DGKI: variants seen among roughly 807,000 people sequenced by gnomAD.
DGKI encodes the protein DAG kinase iota.
DGKI carries 55 observed loss-of-function variants against 147.5 expected under a neutral mutation model. That is an observed-to-expected ratio of 0.37 (90% CI 0.30 to 0.47). The LOEUF (loss-of-function observed/expected upper bound fraction) is 0.47, where lower values mean the gene tolerates loss of function less well. DGKI is among the 20% of genes least tolerant of loss of function. The probability of loss-of-function intolerance (pLI) is 1.00; values close to 1 mark genes in which losing one functional copy is unlikely to be tolerated. For missense variants in DGKI, 1,007 were observed against 1,323.8 expected (o/e 0.76, Z 3.71); for synonymous variants, 469 against 477.1 (o/e 0.98, Z 0.22).
chr7:137,700,922 T>A (rs1029204258), intron 1 of DGKI, among the ~76,000 whole-genome samples: 21 of 135,690 alleles, frequency 1.5e-4, no homozygotes, highest in African/African-American at 4.8e-4. Context: ...AATAAATAAA[T>A]AAAATAAAGT....
At chr7:137,816,252 A>G (rs1472787933) in intron 1 of DGKI, among the ~76,000 whole-genome samples, 2 of 152,236 alleles carry the variant, frequency 1.3e-5, no homozygotes, top group Non-Finnish European at 2.9e-5. Context: ...ATAAACACAC[A>G]AGATCACCTT....
chr7:137,819,291 A>T (rs1049257214), intron 1 of DGKI, among the ~76,000 whole-genome samples: 2 of 151,130 alleles, frequency 1.3e-5, no homozygotes, highest in African/African-American at 4.9e-5. Flanking sequence ...CAGAAAATCC[A>T]AGAACTTCAG....
intron 26 of DGKI, among the ~76,000 whole-genome samples, 160 bp downstream of exon 26, chr7:137,465,748 T>C (rs1473195398): frequency 6.6e-6 from 1 of 152,124 alleles, no homozygotes. Flanking sequence ...TCACGGCCAT[T>C]CATAAGACAG....
chr7:137,444,147 A>G (rs1227584935), intron 27 of DGKI, 45 bp from the exon 28 acceptor site: 1 of 1,124,838 alleles, frequency 8.9e-7, no homozygotes, highest in East Asian at 2.7e-5. Context: ...TATGATAATT[A>G]TAATGATAAT....
intron 27 of DGKI, 49 bp downstream of exon 27, chr7:137,463,440 C>G: frequency 6.2e-7 from 1 of 1,604,334 alleles, no homozygotes; most frequent in Non-Finnish European, 8.5e-7. Flanking sequence ...ACATCCTCTC[C>G]CAGCAATCAC....
In DGKI at chr7:137,459,219, G is replaced by T. The variant is rs112583818; in HGVS notation, c.2735+4270C>A. Among the ~76,000 whole-genome samples the T allele has an allele frequency of 6.3e-4, 96 of 152,136 alleles. 1 individual carries two copies. Among genetic ancestry groups the T allele is most frequent in the African/African-American group, 1.5e-3 (63 of 41,508 alleles). On this transcript the variant is annotated intron_variant, in intron 27 of 32. Coordinates refer to ENST00000614521, the MANE Select transcript of DGKI (RefSeq NM_001321708.2). ...CTCACTCTGCCTGAGAAAAAGGGAG[G>T]TTGATGGATCTAAGGGACTATTTTA...
At chr7:137,500,430 T>C (rs1163750455) in intron 21 of DGKI, among the ~76,000 whole-genome samples, 3 of 152,172 alleles carry the variant, frequency 2.0e-5, no homozygotes, top group Non-Finnish European at 2.9e-5. Context: ...GAACTTATTA[T>C]GCAAATTTAT....
At chr7:137,445,731 G>A (rs866911839) in intron 27 of DGKI, among the ~76,000 whole-genome samples, 2 of 152,112 alleles carry the variant, frequency 1.3e-5, no homozygotes, top group Non-Finnish European at 2.9e-5. Context: ...AAGCTTGCCT[G>A]CTCCTAGGCC....
chr7:137,750,709 C>T (rs1291158558), intron 1 of DGKI, among the ~76,000 whole-genome samples: 3 of 152,082 alleles, frequency 2.0e-5, no homozygotes, highest in Admixed American at 1.3e-4. Flanking sequence ...AACAAGGCAA[C>T]GGGGAGAAGA....
At chr7:137,492,066 T>C (rs928207217) in intron 21 of DGKI, among the ~76,000 whole-genome samples, 2 of 152,212 alleles carry the variant, frequency 1.3e-5, no homozygotes, top group Non-Finnish European at 2.9e-5. Context: ...ACCTCTTCCA[T>C]AGGTCTAAAG....
At chr7:137,750,975 T>C (rs565838367) in intron 1 of DGKI, among the ~76,000 whole-genome samples, 134 of 152,268 alleles carry the variant, frequency 8.8e-4, no homozygotes, top group African/African-American at 3.2e-3. Flanking sequence ...GGCCCCCGTC[T>C]TTTCAGCTGC....
At position 137,577,205 on chromosome 7, in the gene DGKI, A is replaced by T; in HGVS notation, c.1761+17T>A. ...TATCATATTCAAATTAAATAAATCAACATATTCAATACTTACAACAACTTT... is the reference window on the plus strand; with the variant it reads ...TATCATATTCAAATTAAATAAATCATCATATTCAATACTTACAACAACTTT... On this transcript the variant is annotated intron_variant, in intron 17 of 32. Transcript: ENST00000614521. 6.5e-7 allele frequency: 1 copy of T among 1,548,384 alleles called. No homozygotes were observed. The highest frequency in any genetic ancestry group is 8.9e-7 in the Non-Finnish European group (1 of 1,129,900).
At chr7:137,435,706 C>T (rs960133967) in intron 28 of DGKI, among the ~76,000 whole-genome samples, 1 of 152,182 alleles carries the variant, frequency 6.6e-6, no homozygotes, top group Admixed American at 6.5e-5. Context: ...AAGTGATGTA[C>T]TGTGACGCTC....
Position 137,466,090 on chromosome 7 carries a change from G to C in DGKI, c.2485-55C>G, listed in dbSNP as rs1428570571. ...AAGAATAACAAAACAAGTATTCTTG[G>C]TCTCGAGGAATAATGAAATTCTGCA... On this transcript the variant is annotated intron_variant, in intron 25 of 32. Coordinates refer to ENST00000614521, the MANE Select transcript of DGKI (RefSeq NM_001321708.2). 3.1e-6 allele frequency: 5 copies of C among 1,590,520 alleles called. No homozygotes were observed. In the East Asian group the frequency reaches 1.1e-4, roughly 36 times the overall value.
At chr7:137,844,684 C>G (rs1426292467) in intron 1 of DGKI, among the ~76,000 whole-genome samples, 4 of 152,348 alleles carry the variant, frequency 2.6e-5, no homozygotes, top group Middle Eastern at 3.4e-3. Flanking sequence ...TGTGTACACA[C>G]TTACACGTGC....
intron 1 of DGKI, among the ~76,000 whole-genome samples, chr7:137,719,203 C>G (rs1794473178): frequency 1.3e-5 from 2 of 152,190 alleles, no homozygotes; most frequent in East Asian, 3.9e-4. Flanking sequence ...GCCAGAATCC[C>G]TTGATGGAAT....
At chr7:137,513,674 G>C (rs2128948781) in intron 21 of DGKI, among the ~76,000 whole-genome samples, 1 of 152,248 alleles carries the variant, frequency 6.6e-6, no homozygotes, top group South Asian at 2.1e-4. Context: ...AGGCTATACG[G>C]TATAGCCTGT....
intron 19 of DGKI, among the ~76,000 whole-genome samples, chr7:137,556,573 C>T (rs1277395202): frequency 6.6e-6 from 1 of 151,912 alleles, no homozygotes; most frequent in Non-Finnish European, 1.5e-5. Context: ...TAAACAAATA[C>T]AATAGGATAT....
chr7:137,474,871 TGA>T (rs991547470), intron 23 of DGKI, among the ~76,000 whole-genome samples: 10 of 152,306 alleles, frequency 6.6e-5, no homozygotes, highest in African/African-American at 2.4e-4. Context: ...CTACTCGCTG[TGA>T]GAGTGTAGGA....
Sources: gnomAD v4.1 joint callset for allele counts (sites outside exome capture counted in the v4.1 genomes callset) on GRCh38, gnomAD v4.1.1 for gene constraint, MANE v1.5 for transcripts, NCBI Gene and HGNC (gene_info 2026-07-23, HGNC 2026-07-21) for gene names.